Variants in ST3GAL3 observed in about 807,000 individuals in gnomAD.
ST3GAL3 encodes the protein ST3 beta-galactoside alpha-2,3-sialyltransferase 3.
In ST3GAL3, 21 loss-of-function variants were observed where a neutral mutation model predicts 50.1. That is an observed-to-expected ratio of 0.42 (90% CI 0.30 to 0.60). The LOEUF is 0.60. Among genes scored for constraint, ST3GAL3 ranks in the 20% least tolerant of loss-of-function variants. ST3GAL3 has a pLI of 0.19. For synonymous variants in ST3GAL3, 183 were observed against 190.0 expected (o/e 0.96, Z 0.30); for missense variants, 353 against 489.4 (o/e 0.72, Z 2.63).
intron 2 of ST3GAL3, chr1:43,736,673 G>A (rs1678615433): frequency 6.2e-6 from 3 of 487,042 alleles, no homozygotes; most frequent in South Asian, 2.0e-5. Context: ...GTTCTTGAAC[G>A]CTTTTGTTCT....
intron 5 of ST3GAL3, among the ~76,000 whole-genome samples, chr1:43,865,846 C>T (rs886972061): frequency 1.3e-5 from 2 of 152,210 alleles, no homozygotes; most frequent in African/African-American, 2.4e-5. Context: ...GCTGACTCAC[C>T]ATCATGAGGT....
At chr1:43,763,837 C>T (rs1691503916) in intron 2 of ST3GAL3, among the ~76,000 whole-genome samples, 1 of 152,114 alleles carries the variant, frequency 6.6e-6, no homozygotes, top group African/African-American at 2.4e-5. Context: ...TCCAGGCTCC[C>T]CTGCAAATTA....
intron 3 of ST3GAL3, among the ~76,000 whole-genome samples, chr1:43,801,124 G>A (rs535550303): frequency 3.9e-5 from 6 of 152,256 alleles, no homozygotes; most frequent in South Asian, 4.1e-4. Context: ...ATTATAATTC[G>A]AAGCACGGCA....
At chr1:43,769,288 C>G (rs555540747) in intron 2 of ST3GAL3, among the ~76,000 whole-genome samples, 3 of 152,290 alleles carry the variant, frequency 2.0e-5, no homozygotes, top group African/African-American at 7.2e-5. Flanking sequence ...TCGTAAAACT[C>G]AAGCAAATAT....
At chr1:43,867,185 G>A (rs776159426) in intron 5 of ST3GAL3, among the ~76,000 whole-genome samples, 4 of 152,048 alleles carry the variant, frequency 2.6e-5, no homozygotes, top group Non-Finnish European at 2.9e-5. Context: ...TGAGAATAGC[G>A]CAGGAAAGAC....
chr1:43,740,815 TAAGA>T (rs10612057), intron 2 of ST3GAL3, among the ~76,000 whole-genome samples: 1,865 of 145,934 alleles, frequency 0.013, 43 homozygotes, highest in African/African-American at 0.045. Flanking sequence ...AACCTTGTCT[TAAGA>T]AAGAAAGAGA....
At chr1:43,887,491 A>C (rs143821552) in intron 5 of ST3GAL3, among the ~76,000 whole-genome samples, 201 of 152,328 alleles carry the variant, frequency 1.3e-3, no homozygotes, top group East Asian at 2.5e-3. Context: ...AATTGCATTC[A>C]GAGAGTATTG....
chr1:43,876,924 A>G (rs2074226103), intron 5 of ST3GAL3, among the ~76,000 whole-genome samples: 1 of 152,224 alleles, frequency 6.6e-6, no homozygotes, highest in African/African-American at 2.4e-5. Context: ...ATGGTGATAA[A>G]ACTGTCACCT....
At chr1:43,930,035 A>C in intron 11 of ST3GAL3, 97 bp from the exon 12 acceptor site, 1 of 960,628 alleles carries the variant, frequency 1.0e-6, no homozygotes. Context: ...ACAGTCACGG[A>C]GTATTGGAGA....
intron 1 of ST3GAL3, among the ~76,000 whole-genome samples, chr1:43,732,410 G>A (rs1281660707): frequency 6.6e-6 from 1 of 152,212 alleles, no homozygotes; most frequent in African/African-American, 2.4e-5. Context: ...CACTGCTCTT[G>A]TAGGGTGGCT....
chr1:43,792,868 C>T (rs1380933324), intron 3 of ST3GAL3, among the ~76,000 whole-genome samples: 1 of 152,160 alleles, frequency 6.6e-6, no homozygotes, highest in Non-Finnish European at 1.5e-5. Context: ...GCCATTGGGT[C>T]CCTATGGGAG....
intron 9 of ST3GAL3, among the ~76,000 whole-genome samples, chr1:43,917,343 C>G (rs1455533314): frequency 6.9e-6 from 1 of 145,980 alleles, no homozygotes; most frequent in Non-Finnish European, 1.5e-5. Flanking sequence ...TATGAGGCCT[C>G]ACTGATTCTT....
intron 4 of ST3GAL3, among the ~76,000 whole-genome samples, chr1:43,830,078 G>T (rs1434678636): frequency 8.0e-6 from 1 of 125,768 alleles, no homozygotes; most frequent in African/African-American, 2.9e-5. Context: ...TGCAATCTCA[G>T]CTTACTGCAG....
At chr1:43,925,616 T>A (rs12569336) in intron 11 of ST3GAL3, among the ~76,000 whole-genome samples, 6,690 of 152,334 alleles carry the variant, frequency 0.044, 179 homozygotes, top group East Asian at 0.13. Flanking sequence ...GTGTCTCACA[T>A]GGACCATTCA....
At chr1:43,732,451 CA>C (rs2154085888) in intron 1 of ST3GAL3, among the ~76,000 whole-genome samples, 1 of 152,322 alleles carries the variant, frequency 6.6e-6, no homozygotes, top group Admixed American at 6.5e-5. Context: ...TGCTGGGCTC[CA>C]GTGACACCCT....
At chr1:43,869,128 A>G (rs2072028865) in intron 5 of ST3GAL3, among the ~76,000 whole-genome samples, 1 of 151,994 alleles carries the variant, frequency 6.6e-6, no homozygotes, top group Admixed American at 6.6e-5. Flanking sequence ...AATCATGGAG[A>G]TTACCTAGTC....
chr1:43,930,115 T>G lies in ST3GAL3; in HGVS notation c.1039-17T>G. On this transcript the variant is annotated splice_polypyrimidine_tract_variant and intron_variant, in intron 11 of 11. Coordinates refer to ENST00000347631, the MANE Select transcript of ST3GAL3 (RefSeq NM_006279.5). ...TTTGAGCAAAGGCCCAACTGATCAC[T>G]TCATCTCTCCTTTCAGTCCTGGACG... 1.2e-6 allele frequency: 2 copies of G among 1,613,606 alleles called. No individual in the cohort carries two copies. The highest frequency in any genetic ancestry group is 1.7e-6 in the Non-Finnish European group (2 of 1,179,582).
At chr1:43,787,293 A>G (rs1444558636) in intron 2 of ST3GAL3, among the ~76,000 whole-genome samples, 1 of 152,212 alleles carries the variant, frequency 6.6e-6, no homozygotes, top group Non-Finnish European at 1.5e-5. Context: ...TGCTAGCCTG[A>G]GAGGGAGAAG....
At chr1:43,911,904 G>A (rs1473746102) in intron 9 of ST3GAL3, 1 of 152,056 alleles carries the variant, frequency 6.6e-6, no homozygotes, top group African/African-American at 2.4e-5. Context: ...TGCCCAGGCT[G>A]GTCTCAAACT....
Sources: gnomAD v4.1 joint callset for allele counts (sites outside exome capture counted in the v4.1 genomes callset) on GRCh38, gnomAD v4.1.1 for gene constraint, MANE v1.5 for transcripts, NCBI Gene and HGNC (gene_info 2026-07-23, HGNC 2026-07-21) for gene names.